AGAP3: variants seen among roughly 807,000 people sequenced by gnomAD.
AGAP3 encodes arf-GAP with GTPase, ANK repeat and PH domain-containing protein 3.
A neutral mutation model predicts 96.9 loss-of-function variants in AGAP3; 24 were observed. The ratio of observed to expected loss-of-function variants is 0.25; its 90% CI spans 0.18 to 0.35. The LOEUF is 0.35. Ranked by LOEUF, AGAP3 falls within the 10% of genes least tolerant of loss-of-function variation. The probability of loss-of-function intolerance (pLI) is 1.00; values close to 1 mark genes in which losing one functional copy is unlikely to be tolerated. For synonymous variants in AGAP3, 563 were observed against 536.1 expected (o/e 1.05, Z -0.69); for missense variants, 876 against 1,254.2 (o/e 0.70, Z 4.55).
chr7:151,101,121 C>G (rs1198101214), intron 1 of AGAP3, among the ~76,000 whole-genome samples: 4 of 152,224 alleles, frequency 2.6e-5, no homozygotes, highest in Admixed American at 2.6e-4. Context: ...GCCCTGAGCC[C>G]AAGTGGAACT....
chr7:151,131,746 C>T (rs1320644848), intron 10 of AGAP3, among the ~76,000 whole-genome samples: 1 of 152,234 alleles, frequency 6.6e-6, no homozygotes, highest in Non-Finnish European at 1.5e-5. Flanking sequence ...TTTCTGGCAC[C>T]TTAGCTCTGA....
intron 1 of AGAP3, among the ~76,000 whole-genome samples, chr7:151,090,954 A>AAAAAC (rs1002331496): frequency 2.0e-5 from 3 of 152,048 alleles, no homozygotes; most frequent in Non-Finnish European, 2.9e-5. Context: ...AAAAAAAAAC[A>AAAAAC]AAAACAAAAC....
In AGAP3 at chr7:151,116,828, C is replaced by T. The variant is rs755096478; in HGVS notation, c.367C>T (p.Arg123Cys). 6.8e-6 allele frequency: 11 copies of T among 1,613,986 alleles called. No homozygotes were observed. The highest frequency in any genetic ancestry group is 4.5e-5 in the East Asian group (2 of 44,888). The change falls in exon 2 of 18, where the codon CGC becomes TGC. Residue 123 changes from arginine (R) to cysteine (C), a missense_variant. Physicochemically the swap from Arg to Cys is radical, Grantham distance 180. Around this residue, in one of 8 missense-constraint regions of AGAP3, gnomAD observed 131 missense variants for 304.5 expected, o/e 0.43. Coordinates refer to ENST00000397238, the MANE Select transcript of AGAP3 (RefSeq NM_031946.7). ...FVNSQEWTLS[R>C]SVPELKVGIV... is the part of the protein sequence containing the mutation. The stretch of plus-strand genomic sequence containing the variant: ...GAACAGCCAGGAGTGGACGCTGAGC[C>T]GCTCCGTACCGGAGCTTAAAGTGGT...
intron 1 of AGAP3, among the ~76,000 whole-genome samples, chr7:151,104,517 G>T (rs989852437): frequency 2.0e-5 from 3 of 152,224 alleles, no homozygotes; most frequent in Non-Finnish European, 4.4e-5. Context: ...CAAGACAAAT[G>T]AAAGAAGAGG....
chr7:151,104,988 A>G (rs951594879), intron 1 of AGAP3, among the ~76,000 whole-genome samples: 1 of 152,214 alleles, frequency 6.6e-6, no homozygotes, highest in African/African-American at 2.4e-5. Flanking sequence ...TGTGAACTGC[A>G]GCGTGAGCAG....
Position 151,143,616 on chromosome 7 carries a change from C to T in AGAP3, c.2529+20C>T. 2 of 1,596,010 alleles carry T rather than the reference C, an allele frequency of 1.3e-6. No individual in the cohort carries two copies. The highest frequency in any genetic ancestry group is 8.6e-7 in the Non-Finnish European group (1 of 1,169,088). On this transcript the variant is annotated intron_variant, in intron 17 of 17. Coordinates refer to ENST00000397238, the MANE Select transcript of AGAP3 (RefSeq NM_031946.7). The surrounding 1 kb of genome is among the most constrained non-coding windows in gnomAD (Gnocchi z 5.9). ...ATCTGGGTGAGTCACGTGCCTCTAG[C>T]CTGCCCTGACCTCGCTCTTCTTAGC... is the stretch of plus-strand genomic sequence containing the variant.
At chr7:151,100,708 G>A (rs989410678) in intron 1 of AGAP3, among the ~76,000 whole-genome samples, 11 of 152,164 alleles carry the variant, frequency 7.2e-5, no homozygotes, top group African/African-American at 2.7e-4. Context: ...TGGGTGTGGT[G>A]GTGCACGCCT....
In AGAP3 at chr7:151,138,150, C is replaced by A. The variant is rs750629570; in HGVS notation, c.1503C>A (p.Pro501=). 6.3e-7 allele frequency: 1 copy of A among 1,597,708 alleles called. No homozygotes were observed. Among genetic ancestry groups the A allele is most frequent in the East Asian group, 2.3e-5 (1 of 43,922 alleles). ...NTQLGGGTGA[P]HSASSASLHS... ...GACCCTTCCCGCCCCCAGGTGCCCC[C>A]CACTCGGCCAGCAGCGCATCCCTGC... Residue 501 remains proline (P), a synonymous_variant, in exon 12 of 18, where the codon CCC becomes CCA. Transcript: ENST00000397238.
Position 151,139,991 on chromosome 7 carries a change from C to T in AGAP3, c.1679C>T (p.Ala560Val). 1 of 1,575,180 alleles carries T rather than the reference C, an allele frequency of 6.3e-7. No homozygotes were observed. The highest frequency in any genetic ancestry group is 8.6e-7 in the Non-Finnish European group (1 of 1,162,396). Reference protein sequence around the residue: ...PGMQHPASGPAEVLSSSPKLD... With the variant: ...PGMQHPASGPVEVLSSSPKLD... The stretch of plus-strand genomic sequence containing the variant: ...CTCCCCTCACCAGCCAGTGGCCCAG[C>T]TGAGGTACTCAGTTCCAGCCCCAAG... The change falls in exon 13 of 18, where the codon GCT (alanine) becomes GTT (valine). Residue 560 changes from alanine to valine, a missense_variant. Physicochemically the swap from Ala to Val is moderately conservative, Grantham distance 64 (BLOSUM62 0). Transcript: ENST00000397238. This position sits in a 1 kb window ranked among gnomAD's most constrained non-coding sequence, Gnocchi z 4.9.
intron 1 of AGAP3, among the ~76,000 whole-genome samples, chr7:151,111,253 CCTGA>C (rs1432919795): frequency 4.6e-5 from 7 of 152,290 alleles, no homozygotes; most frequent in African/African-American, 1.4e-4. Context: ...GCAAGAAGGG[CCTGA>C]CTGTTTGGGA....
chr7:151,141,699 G>A lies in AGAP3; in HGVS notation c.1805-199G>A. The A allele has an allele frequency of 1.6e-6, 1 of 617,930 alleles. No homozygotes were observed. The highest frequency in any genetic ancestry group is 2.8e-5 in the East Asian group (1 of 35,692). The allele number at this position is 617,930 out of a possible 1,614,324, so 38.3% of individuals were successfully genotyped here. ...CACAGGTGGTTAGGAATGAGAACTGGGAGCTCACACTAGTCTTGCAGGTTT... is the reference window on the plus strand; with the variant it reads ...CACAGGTGGTTAGGAATGAGAACTGAGAGCTCACACTAGTCTTGCAGGTTT... On this transcript the variant is annotated intron_variant, in intron 13 of 17. Transcript: ENST00000397238. This position sits in a 1 kb window ranked among gnomAD's most constrained non-coding sequence, Gnocchi z 4.2.
At chr7:151,107,641 T>C (rs1056239139) in intron 1 of AGAP3, among the ~76,000 whole-genome samples, 205 of 152,102 alleles carry the variant, frequency 1.3e-3, no homozygotes, top group African/African-American at 4.6e-3. Flanking sequence ...TTTTTTTTTT[T>C]ACTTTTGTAA....
chr7:151,101,194 C>T (rs1798822071), intron 1 of AGAP3, among the ~76,000 whole-genome samples: 2 of 152,254 alleles, frequency 1.3e-5, no homozygotes, highest in Non-Finnish European at 2.9e-5. Flanking sequence ...CTTGAGCCAC[C>T]AAGGAGCCTC....
In AGAP3 at chr7:151,123,203, G is replaced by C. The variant is rs1179809383; in HGVS notation, c.1129-591G>C. The C allele has an allele frequency of 3.6e-5, 39 of 1,077,168 alleles. 1 individual carries two copies. Among genetic ancestry groups the C allele is most frequent in the Non-Finnish European group, 4.3e-5 (38 of 889,214 alleles). The allele number at this position is 1,077,168 out of a possible 1,614,324, so 66.7% of individuals were successfully genotyped here. On this transcript the variant is annotated intron_variant, in intron 8 of 17. Transcript: ENST00000397238. The stretch of plus-strand genomic sequence containing the variant: ...TGCTCCTGCTCCGGAAGCCGCCGCC[G>C]CCGCCGCGCTTGCCTTGCCCCCTCT...
chr7:151,133,635 G>A lies in AGAP3; in HGVS notation c.1327-765G>A, dbSNP rs1054579640. Among the ~76,000 whole-genome samples, 1 of 152,234 alleles carries A rather than the reference G, an allele frequency of 6.6e-6. No homozygotes were observed. The highest frequency in any genetic ancestry group is 2.4e-5 in the African/African-American group (1 of 41,458). On this transcript the variant is annotated intron_variant, in intron 10 of 17. Coordinates refer to ENST00000397238, the MANE Select transcript of AGAP3 (RefSeq NM_031946.7). This position sits in a 1 kb window ranked among gnomAD's most constrained non-coding sequence, Gnocchi z 5.4. ...TCTGACTCTGCTACCATTTAATCGTGTGTTCCTGGGCAGATAAGCCTTTCT... is the reference window on the plus strand; with the variant it reads ...TCTGACTCTGCTACCATTTAATCGTATGTTCCTGGGCAGATAAGCCTTTCT...
Position 151,126,140 on chromosome 7 carries a change from TCCG to T in AGAP3, c.1221+2257_1221+2259del, listed in dbSNP as rs201287033. ...GCGTCATTACAGCGGCTCCCTCGCC[TCCG>T]CCTGGGGAGGGCGTTGCCGAGGACG... On this transcript the variant is annotated intron_variant, in intron 9 of 17. Coordinates refer to ENST00000397238, the MANE Select transcript of AGAP3 (RefSeq NM_031946.7). Among the ~76,000 whole-genome samples, 1,585 of 151,738 alleles carry T rather than the reference TCCG, an allele frequency of 0.01. 136 individuals carry two copies. In the East Asian group the frequency reaches 0.23, roughly 22 times the overall value.
upstream of AGAP3, chr7:151,085,946 T>G (rs1304175710): frequency 6.6e-6 from 1 of 152,060 alleles, no homozygotes; most frequent in African/African-American, 2.4e-5. Context: ...AGCAGGGTGG[T>G]CTCTAGGGCT....
At chr7:151,130,972 T>C (rs182001068) in intron 10 of AGAP3, 389 of 152,460 alleles carry the variant, frequency 2.6e-3, no homozygotes, top group Non-Finnish European at 4.6e-3. Flanking sequence ...CTGGGGCTCT[T>C]CAAACCCTAA....
chr7:151,126,087 TCGTTCCGCCCGCGCCCCCGGCTAACGAG>T (rs533918823), intron 9 of AGAP3, among the ~76,000 whole-genome samples: 3,502 of 150,606 alleles, frequency 0.023, 102 homozygotes, highest in East Asian at 0.13. Flanking sequence ...AGCGGCCCGG[TCGTTCCGCCCGCGCCCCCGGCTAACGAG>T]CGTCATTACA....
Sources: allele counts gnomAD v4.1 joint callset (sites outside exome capture counted in the v4.1 genomes callset), GRCh38; gene constraint gnomAD v4.1.1; regional missense constraint gnomAD v4.1.1; non-coding constraint Gnocchi (gnomAD v3.1); transcripts MANE v1.5; gene names NCBI Gene and HGNC (gene_info 2026-07-23, HGNC 2026-07-21).